The following KAZN variants were observed in gnomAD, a reference collection of about 807,000 sequenced individuals.
KAZN encodes kazrin.
Under a neutral mutation model 87.4 loss-of-function variants are expected in KAZN, and 40 were observed. That is an observed-to-expected ratio of 0.46 (90% CI 0.36 to 0.60). The LOEUF (loss-of-function observed/expected upper bound fraction) is 0.60, where lower values mean the gene tolerates loss of function less well. KAZN is among the 20% of genes least tolerant of loss of function. The pLI is 0.00. For missense variants in KAZN, 898 were observed against 1,073.9 expected, an observed-to-expected ratio of 0.84 and a Z score of 2.29; for synonymous variants, 466 against 458.3, an observed-to-expected ratio of 1.02 and a Z score of -0.22.
intron 1 of KAZN, among the ~76,000 whole-genome samples, chr1:14,828,068 C>T (rs142259555): frequency 0.01 from 1,566 of 152,356 alleles, 13 homozygotes; most frequent in Middle Eastern, 0.027. Context: ...CCCTCCCCTG[C>T]CTGTGGCAGA....
chr1:14,471,591 T>C (rs1342865213), intron 2 of KAZN, among the ~76,000 whole-genome samples: 1 of 152,188 alleles, frequency 6.6e-6, no homozygotes, highest in African/African-American at 2.4e-5. Context: ...ACAGTCTATG[T>C]ACCCAGACCA....
intron 1 of KAZN, among the ~76,000 whole-genome samples, chr1:14,628,130 T>C (rs952546224): frequency 1.3e-5 from 2 of 152,232 alleles, no homozygotes; most frequent in Non-Finnish European, 1.5e-5. Flanking sequence ...TCTCCATTGC[T>C]ACAGACCGGG....
At chr1:14,064,470 C>A (rs1394048362) in intron 1 of KAZN, among the ~76,000 whole-genome samples, 1 of 152,182 alleles carries the variant, frequency 6.6e-6, no homozygotes, top group Non-Finnish European at 1.5e-5. Flanking sequence ...GGAAGATGGA[C>A]CCCTGCTTGG....
chr1:14,439,746 C>T (rs978098246), intron 2 of KAZN, among the ~76,000 whole-genome samples: 6 of 152,226 alleles, frequency 3.9e-5, no homozygotes, highest in African/African-American at 1.4e-4. Flanking sequence ...CAATGCCCAA[C>T]ATGAGTGGGT....
chr1:14,175,910 G>A (rs1192486480), intron 1 of KAZN, among the ~76,000 whole-genome samples: 1 of 152,074 alleles, frequency 6.6e-6, no homozygotes, highest in Non-Finnish European at 1.5e-5. Context: ...GTAGACCATG[G>A]GTAGGTTATT....
At chr1:14,853,072 G>T (rs1471302944) in intron 1 of KAZN, among the ~76,000 whole-genome samples, 1 of 152,184 alleles carries the variant, frequency 6.6e-6, no homozygotes, top group Admixed American at 6.5e-5. Flanking sequence ...ACTTCATCTG[G>T]CTCACTCCAA....
chr1:14,014,865 C>T (rs1042886220), intron 1 of KAZN, among the ~76,000 whole-genome samples: 5 of 152,120 alleles, frequency 3.3e-5, no homozygotes, highest in Non-Finnish European at 7.4e-5. Context: ...TGCACTAGAG[C>T]CAAGGCCAAA....
intron 1 of KAZN, among the ~76,000 whole-genome samples, chr1:14,137,245 C>T (rs76584335): frequency 0.08 from 12,183 of 152,170 alleles, 653 homozygotes; most frequent in Middle Eastern, 0.14. Context: ...AGGTGCACAC[C>T]CAGGGTTTGC....
chr1:15,048,781 T>C lies in KAZN; in HGVS notation c.726+4622T>C, dbSNP rs116368809. ...TCCTGGGTCGTCGATCCTGGGTCGT[T>C]GATCCTTGGTCATTGGTCCTGAGTC... is the stretch of plus-strand genomic sequence containing the variant. On this transcript the variant is annotated intron_variant, in intron 4 of 14. Coordinates refer to ENST00000376030, the MANE Select transcript of KAZN (RefSeq NM_201628.3). Among the ~76,000 whole-genome samples, 146 of 141,620 alleles carry C rather than the reference T, an allele frequency of 1.0e-3. 1 individual carries two copies. The highest frequency in any genetic ancestry group is 1.3e-3 in the African/African-American group (45 of 34,592). The allele number at this position is 141,620 out of a possible 152,430, so 92.9% of individuals were successfully genotyped here.
At chr1:13,983,113 C>T (rs1225980903) in intron 1 of KAZN, among the ~76,000 whole-genome samples, 4 of 152,272 alleles carry the variant, frequency 2.6e-5, no homozygotes, top group African/African-American at 7.2e-5. Flanking sequence ...CAGTGGATCT[C>T]GCACGGGGGC....
Position 14,633,212 on chromosome 1 carries a change from C to T in KAZN, c.226+33989C>T, listed in dbSNP as rs189341599. Reference sequence around the variant, plus strand: ...GATTACAGGTGTGAGCCACCGCACCCGGCCAAAATGCACTTAATATTGTCA... The same window carrying T: ...GATTACAGGTGTGAGCCACCGCACCTGGCCAAAATGCACTTAATATTGTCA... On this transcript the variant is annotated intron_variant, in intron 1 of 14. Coordinates refer to ENST00000376030, the MANE Select transcript of KAZN (RefSeq NM_201628.3). 1.8e-3 allele frequency among the ~76,000 whole-genome samples: 270 copies of T among 152,232 alleles called. 2 individuals are homozygous for T. Among genetic ancestry groups the T allele is most frequent in the Admixed American group, 0.014 (221 of 15,286 alleles).
At chr1:14,851,752 C>G (rs61773564) in intron 1 of KAZN, among the ~76,000 whole-genome samples, 8,269 of 152,302 alleles carry the variant, frequency 0.054, 331 homozygotes, top group Admixed American at 0.11. Context: ...GTGCAGCAGG[C>G]AGAACAGCGC....
At chr1:14,251,211 A>T (rs1424337202) in intron 2 of KAZN, among the ~76,000 whole-genome samples, 8 of 152,210 alleles carry the variant, frequency 5.3e-5, no homozygotes, top group Admixed American at 5.2e-4. Flanking sequence ...TTGAAGGATC[A>T]TCTGTTTACC....
At chr1:15,038,826 T>G (rs538497943) in intron 3 of KAZN, among the ~76,000 whole-genome samples, 1 of 103,932 alleles carries the variant, frequency 9.6e-6, no homozygotes. Context: ...ACCTACTATA[T>G]ACAGACATGA....
chr1:14,426,046 G>A lies in KAZN; in HGVS notation c.250-172937G>A, dbSNP rs1458926003. ...ACAACTCAGCTTACTCAGAGTAAAGGCCTCACAGGGCTGCCTGGGCCCCCC... is the reference window on the plus strand; with the variant it reads ...ACAACTCAGCTTACTCAGAGTAAAGACCTCACAGGGCTGCCTGGGCCCCCC... On this transcript the variant is annotated intron_variant, in intron 2 of 16. Coordinates refer to the KAZN transcript ENST00000636203. Among the ~76,000 whole-genome samples the A allele has an allele frequency of 2.0e-5, 3 of 152,316 alleles. No homozygotes were observed. The East Asian group carries it at 5.8e-4, about 29-fold the overall frequency.
At chr1:14,595,387 C>T (rs911233840), upstream of KAZN, among the ~76,000 whole-genome samples, 1 of 151,990 alleles carries the variant, frequency 6.6e-6, no homozygotes, top group Non-Finnish European at 1.5e-5. Flanking sequence ...GGATAAGAAA[C>T]GTAGACCCGG....
chr1:14,694,709 G>A (rs1335788461), intron 1 of KAZN, among the ~76,000 whole-genome samples: 3 of 152,176 alleles, frequency 2.0e-5, no homozygotes, highest in Non-Finnish European at 4.4e-5. Flanking sequence ...TTAGGGAAAA[G>A]TCATTTCACC....
intron 2 of KAZN, among the ~76,000 whole-genome samples, chr1:14,580,574 T>C (rs1356295809): frequency 6.6e-6 from 1 of 152,158 alleles, no homozygotes; most frequent in East Asian, 1.9e-4. Context: ...CGTTAGTGGA[T>C]ATGGAGGGGC....
intron 1 of KAZN, among the ~76,000 whole-genome samples, chr1:14,030,847 A>G (rs1641296606): frequency 6.6e-6 from 1 of 152,214 alleles, no homozygotes; most frequent in Non-Finnish European, 1.5e-5. Context: ...ATAAGGGGGA[A>G]CTGCCTGTTT....
Sources: gnomAD v4.1 joint callset for allele counts (sites outside exome capture counted in the v4.1 genomes callset) on GRCh38, gnomAD v4.1.1 for gene constraint, MANE v1.5 for transcripts, NCBI Gene and HGNC (gene_info 2026-07-23, HGNC 2026-07-21) for gene names.